The following RUNX1 variants were observed in gnomAD, a reference collection of about 807,000 sequenced individuals.
The protein encoded by RUNX1 is RUNX family transcription factor 1, also known as runt-related transcription factor 1.
In RUNX1, 19 loss-of-function variants were observed where a neutral mutation model predicts 42.8. That is an observed-to-expected ratio of 0.44 (90% CI 0.31 to 0.65). The LOEUF (loss-of-function observed/expected upper bound fraction) is 0.65, where lower values mean the gene tolerates loss of function less well. Among genes scored for constraint, RUNX1 ranks in the 30% least tolerant of loss-of-function variants. RUNX1 has a pLI of 0.07. For missense variants in RUNX1, 528 were observed against 672.0 expected (o/e 0.79, Z 2.37); for synonymous variants, 271 against 289.4 (o/e 0.94, Z 0.64).
intron 7 of RUNX1, among the ~76,000 whole-genome samples, chr21:34,831,094 G>T (rs892182204): frequency 2.6e-5 from 4 of 152,100 alleles, no homozygotes; most frequent in African/African-American, 9.7e-5. Flanking sequence ...TCTAGAATCT[G>T]CCCTGTTCTA....
intron 2 of RUNX1, among the ~76,000 whole-genome samples, chr21:34,918,907 A>T (rs535106941): frequency 6.6e-6 from 1 of 152,234 alleles, no homozygotes; most frequent in Non-Finnish European, 1.5e-5. Flanking sequence ...TCTGTCTCAA[A>T]AAAATAAAAT....
intron 8 of RUNX1, among the ~76,000 whole-genome samples, chr21:34,794,459 G>C (rs1235475257): frequency 1.3e-5 from 2 of 152,180 alleles, no homozygotes; most frequent in Non-Finnish European, 2.9e-5. Flanking sequence ...CACTTCACTA[G>C]TTTGTTAACA....
chr21:34,917,431 C>T (rs1227341916), intron 2 of RUNX1, among the ~76,000 whole-genome samples: 1 of 152,124 alleles, frequency 6.6e-6, no homozygotes, highest in African/African-American at 2.4e-5. Context: ...TTCAGTTGAA[C>T]AAAAAGAATT....
intron 5 of RUNX1, among the ~76,000 whole-genome samples, chr21:34,864,219 G>A (rs2268290): frequency 0.26 from 38,914 of 152,142 alleles, 6,149 homozygotes; most frequent in African/African-American, 0.45. Flanking sequence ...TCTGTGCCTC[G>A]GGGCACACGT....
chr21:35,003,028 A>G lies in RUNX1; in HGVS notation c.58+45814T>C, dbSNP rs566583885. On this transcript the variant is annotated intron_variant, in intron 2 of 8. Coordinates refer to ENST00000675419, the MANE Select transcript of RUNX1 (RefSeq NM_001754.5). ...CAAAACATGGTGGTGCAAGAACAAT[A>G]CAACTTCATTACACACCCAAAGAAG... 3.3e-5 allele frequency among the ~76,000 whole-genome samples: 5 copies of G among 152,362 alleles called. No individual in the cohort carries two copies. In the East Asian group the frequency reaches 7.7e-4, roughly 24 times the overall value.
chr21:34,800,556 G>A (rs2056593791), intron 7 of RUNX1, among the ~76,000 whole-genome samples: 1 of 152,198 alleles, frequency 6.6e-6, no homozygotes, highest in African/African-American at 2.4e-5. Context: ...CTGGGTATAA[G>A]TTTTGTATAG....
intron 7 of RUNX1, among the ~76,000 whole-genome samples, chr21:34,805,874 G>A (rs2056671608): frequency 6.6e-6 from 1 of 152,198 alleles, no homozygotes; most frequent in African/African-American, 2.4e-5. Flanking sequence ...ATAAAAGGCA[G>A]TAATGATATA....
At chr21:34,879,342 A>T (rs1261639328) in intron 5 of RUNX1, among the ~76,000 whole-genome samples, 1 of 152,148 alleles carries the variant, frequency 6.6e-6, no homozygotes, top group Non-Finnish European at 1.5e-5. Flanking sequence ...ATTTTCAATC[A>T]CATTATATAA....
At chr21:34,961,946 G>T (rs1601612171) in intron 2 of RUNX1, among the ~76,000 whole-genome samples, 1 of 152,018 alleles carries the variant, frequency 6.6e-6, no homozygotes, top group African/African-American at 2.4e-5. Flanking sequence ...AGGCTGGAGT[G>T]CAGTGGCATA....
intron 5 of RUNX1, among the ~76,000 whole-genome samples, chr21:34,861,432 C>T (rs2057573879): frequency 6.6e-6 from 1 of 152,176 alleles, no homozygotes; most frequent in African/African-American, 2.4e-5. Flanking sequence ...CAGCCACATC[C>T]ACATGTTCCA....
intron 6 of RUNX1, among the ~76,000 whole-genome samples, chr21:34,858,680 TTGGAGAC>T (rs1305774580): frequency 2.6e-5 from 4 of 152,170 alleles, no homozygotes; most frequent in Non-Finnish European, 1.5e-5. Flanking sequence ...CTGATACGGT[TTGGAGAC>T]ATCTGGATGC....
At chr21:35,032,193 A>AT (rs2059277771) in intron 2 of RUNX1, among the ~76,000 whole-genome samples, 1 of 152,202 alleles carries the variant, frequency 6.6e-6, no homozygotes, top group African/African-American at 2.4e-5. Flanking sequence ...ACTGAAGGAG[A>AT]TTTTCCCCTA....
intron 2 of RUNX1, among the ~76,000 whole-genome samples, chr21:35,041,073 T>C (rs1315324453): frequency 6.6e-6 from 1 of 152,238 alleles, no homozygotes; most frequent in Non-Finnish European, 1.5e-5. Context: ...TCTCAGGCTA[T>C]ATTTGATTTA....
intron 7 of RUNX1, among the ~76,000 whole-genome samples, chr21:34,811,206 T>G (rs1276435778): frequency 6.6e-6 from 1 of 152,176 alleles, no homozygotes; most frequent in Non-Finnish European, 1.5e-5. Context: ...TGCTCCCAAT[T>G]TGAAGGATAT....
intron 2 of RUNX1, among the ~76,000 whole-genome samples, chr21:35,000,314 C>A (rs2059031761): frequency 6.8e-6 from 1 of 146,810 alleles, no homozygotes; most frequent in Non-Finnish European, 1.5e-5. Flanking sequence ...AATCTCGGCT[C>A]ACTGCAAACT....
intron 7 of RUNX1, among the ~76,000 whole-genome samples, chr21:34,802,639 T>TGGGC (rs1436975015): frequency 2.6e-5 from 4 of 152,236 alleles, no homozygotes; most frequent in African/African-American, 9.6e-5. Flanking sequence ...GGGCTGTATC[T>TGGGC]GGGCTAACTG....
intron 7 of RUNX1, among the ~76,000 whole-genome samples, chr21:34,832,324 A>G (rs2057075278): frequency 6.6e-6 from 1 of 152,208 alleles, no homozygotes; most frequent in South Asian, 2.1e-4. Context: ...TTAAAGAGGC[A>G]TATCTGATGA....
rs17812797 is a variant in RUNX1 at position 34,947,577 on chromosome 21, C to T, written c.59-54614G>A. On this transcript the variant is annotated intron_variant, in intron 2 of 8. Transcript: ENST00000675419. The stretch of plus-strand genomic sequence containing the variant: ...GTCTTTTGTTTTTGTCCATTTTTTC[C>T]CCTGATGTGTTCATAAACATGTCCC... Among the ~76,000 whole-genome samples the T allele has an allele frequency of 6.0e-3, 917 of 152,166 alleles. 5 individuals carry two copies. Among genetic ancestry groups the T allele is most frequent in the South Asian group, 1.0e-2 (48 of 4,824 alleles).
chr21:34,899,416 T>TTCTC (rs1160705201), intron 2 of RUNX1, among the ~76,000 whole-genome samples: 1 of 151,492 alleles, frequency 6.6e-6, no homozygotes, highest in African/African-American at 2.4e-5. Context: ...CTCTCTCTCT[T>TTCTC]TCTCTCTCTC....
Sources: gnomAD v4.1 joint callset for allele counts (sites outside exome capture counted in the v4.1 genomes callset) on GRCh38, gnomAD v4.1.1 for gene constraint, MANE v1.5 for transcripts, NCBI Gene and HGNC (gene_info 2026-07-23, HGNC 2026-07-21) for gene names.